The following NEDD4L variants were observed in gnomAD, a reference collection of about 807,000 sequenced individuals.
NEDD4L encodes NEDD4 like E3 ubiquitin protein ligase, also known as E3 ubiquitin-protein ligase NEDD4-like.
A neutral mutation model predicts 148.9 loss-of-function variants in NEDD4L; 54 were observed. That is an observed-to-expected ratio of 0.36 (90% CI 0.29 to 0.45). NEDD4L has a LOEUF of 0.45. Ranked by LOEUF, NEDD4L falls within the 20% of genes least tolerant of loss-of-function variation. The pLI, the probability that NEDD4L is intolerant of heterozygous loss-of-function variation, is 1.00. For synonymous variants in NEDD4L, 433 were observed against 440.7 expected, an observed-to-expected ratio of 0.98 and a Z score of 0.22; for missense variants, 856 against 1,233.8, an observed-to-expected ratio of 0.69 and a Z score of 4.59.
intron 1 of NEDD4L, among the ~76,000 whole-genome samples, chr18:58,074,975 G>A (rs577877710): frequency 2.6e-5 from 4 of 152,260 alleles, no homozygotes; most frequent in Admixed American, 2.0e-4. Context: ...TTCTCCATAG[G>A]TGAAGAGTTG....
At chr18:58,047,290 C>T in intron 1 of NEDD4L, 1 of 984,048 alleles carries the variant, frequency 1.0e-6, no homozygotes, top group African/African-American at 1.7e-5. Flanking sequence ...CACATACCTA[C>T]CACATTTCTT....
At chr18:58,353,614 T>A (rs1248474285) in intron 18 of NEDD4L, among the ~76,000 whole-genome samples, 2 of 152,238 alleles carry the variant, frequency 1.3e-5, no homozygotes, top group Non-Finnish European at 2.9e-5. Context: ...TTCCACAAAA[T>A]TCAGTCTGTG....
intron 22 of NEDD4L, among the ~76,000 whole-genome samples, chr18:58,369,874 TC>T (rs1238430886): frequency 3.3e-5 from 5 of 152,202 alleles, no homozygotes; most frequent in African/African-American, 1.2e-4. Flanking sequence ...CCTGTCCCCT[TC>T]CTGTGCTTTC....
chr18:58,230,970 G>A (rs1465191282), intron 2 of NEDD4L, among the ~76,000 whole-genome samples: 1 of 152,094 alleles, frequency 6.6e-6, no homozygotes, highest in Non-Finnish European at 1.5e-5. Flanking sequence ...AAACAAGTCT[G>A]GACGTGGTGA....
intron 5 of NEDD4L, among the ~76,000 whole-genome samples, chr18:58,287,935 C>A (rs570518999): frequency 6.6e-6 from 1 of 152,190 alleles, no homozygotes; most frequent in Admixed American, 6.5e-5. Context: ...GATAATCAGT[C>A]ATGCATATGT....
chr18:58,151,395 A>T (rs1362614893), intron 1 of NEDD4L, among the ~76,000 whole-genome samples: 1 of 151,956 alleles, frequency 6.6e-6, no homozygotes, highest in Non-Finnish European at 1.5e-5. Flanking sequence ...GCACATCATT[A>T]CTCTTATCTC....
chr18:58,307,701 G>A (rs1489395976), intron 5 of NEDD4L, among the ~76,000 whole-genome samples: 2 of 152,158 alleles, frequency 1.3e-5, no homozygotes, highest in Admixed American at 6.5e-5. Context: ...TCAGATGCCC[G>A]GAGATATGTG....
At chr18:58,266,744 C>T (rs1320598190) in intron 5 of NEDD4L, among the ~76,000 whole-genome samples, 2 of 152,098 alleles carry the variant, frequency 1.3e-5, no homozygotes, top group African/African-American at 4.8e-5. Flanking sequence ...TGGCAGTATT[C>T]ATGGATGTGA....
At chr18:58,183,330 T>C (rs2039059547) in intron 2 of NEDD4L, among the ~76,000 whole-genome samples, 1 of 152,252 alleles carries the variant, frequency 6.6e-6, no homozygotes, top group African/African-American at 2.4e-5. Flanking sequence ...TTCTTCAACT[T>C]GGTGCTGTCC....
At chr18:58,163,082 A>T (rs914259301) in intron 1 of NEDD4L, among the ~76,000 whole-genome samples, 3 of 151,428 alleles carry the variant, frequency 2.0e-5, no homozygotes, top group Non-Finnish European at 4.4e-5. Context: ...GAAAAAAAAA[A>T]AAGAAATGGG....
At chr18:58,201,787 G>A (rs944310708) in intron 2 of NEDD4L, among the ~76,000 whole-genome samples, 7 of 152,224 alleles carry the variant, frequency 4.6e-5, no homozygotes, top group Admixed American at 6.5e-5. Flanking sequence ...TCATAAAGCA[G>A]CACATGGTAC....
At chr18:58,073,860 C>T (rs1469007359) in intron 1 of NEDD4L, among the ~76,000 whole-genome samples, 1 of 152,138 alleles carries the variant, frequency 6.6e-6, no homozygotes, top group Non-Finnish European at 1.5e-5. Flanking sequence ...TATATGAAAT[C>T]TCAATAAAAC....
At chr18:58,155,329 A>AG (rs35661011) in intron 1 of NEDD4L, among the ~76,000 whole-genome samples, 1 of 151,844 alleles carries the variant, frequency 6.6e-6, no homozygotes, top group Non-Finnish European at 1.5e-5. Context: ...AAAAAAAAAA[A>AG]CGCTCCAAGT....
chr18:58,096,096 C>T (rs1188000415), intron 1 of NEDD4L, among the ~76,000 whole-genome samples: 2 of 152,040 alleles, frequency 1.3e-5, no homozygotes, highest in African/African-American at 4.8e-5. Flanking sequence ...TGGAAAGGCT[C>T]ATCCATTAGG....
chr18:58,098,983 C>T (rs2084594490), intron 1 of NEDD4L, among the ~76,000 whole-genome samples: 1 of 152,206 alleles, frequency 6.6e-6, no homozygotes, highest in South Asian at 2.1e-4. Flanking sequence ...TATTATGTTA[C>T]TTGTCATGAC....
chr18:58,072,523 A>G (rs530208929), intron 1 of NEDD4L, among the ~76,000 whole-genome samples: 2 of 152,360 alleles, frequency 1.3e-5, no homozygotes, highest in East Asian at 1.9e-4. Flanking sequence ...ATTTGATAAT[A>G]TTCAGTACTT....
At chr18:58,169,259 G>A (rs555668621) in intron 2 of NEDD4L, among the ~76,000 whole-genome samples, 19 of 152,312 alleles carry the variant, frequency 1.2e-4, no homozygotes, top group African/African-American at 4.3e-4. Context: ...TTGGATAACC[G>A]AGCCGCGACT....
At chr18:58,262,488 GC>G (rs1180339055) in intron 5 of NEDD4L, among the ~76,000 whole-genome samples, 1 of 152,100 alleles carries the variant, frequency 6.6e-6, no homozygotes, top group African/African-American at 2.4e-5. Context: ...AGCTAGCCAG[GC>G]GTGGTGGCCT....
intron 18 of NEDD4L, among the ~76,000 whole-genome samples, chr18:58,356,812 T>C (rs2044731282): frequency 6.6e-6 from 1 of 152,246 alleles, no homozygotes. Context: ...GTGTGTTTGT[T>C]AGCCTTTTGG....
Sources: gnomAD v4.1 joint callset for allele counts (sites outside exome capture counted in the v4.1 genomes callset) on GRCh38, gnomAD v4.1.1 for gene constraint, MANE v1.5 for transcripts, NCBI Gene and HGNC (gene_info 2026-07-23, HGNC 2026-07-21) for gene names.